Variants in SEM1 observed in about 807,000 individuals in gnomAD.
SEM1 encodes 26S proteasome complex subunit SEM1.
A neutral mutation model predicts 12.7 loss-of-function variants in SEM1; 3 were observed. The ratio of observed to expected loss-of-function variants is 0.24; its 90% confidence interval spans 0.11 to 0.61. The LOEUF is 0.61. Among genes scored for constraint, SEM1 ranks in the 20% least tolerant of loss-of-function variants. The pLI is 0.88. For synonymous variants in SEM1, 30 were observed against 27.8 expected, an observed-to-expected ratio of 1.08 and a Z score of -0.25; for missense variants, 59 against 81.3, an observed-to-expected ratio of 0.73 and a Z score of 1.06.
At chr7:96,643,847 T>C (rs1052765934) in intron 2 of SEM1, among the ~76,000 whole-genome samples, 1 of 152,072 alleles carries the variant, frequency 6.6e-6, no homozygotes, top group African/African-American at 2.4e-5. Flanking sequence ...AATTTAGTTA[T>C]CTTTAAGTAA....
intron 2 of SEM1, among the ~76,000 whole-genome samples, chr7:96,584,778 C>T (rs931968854): frequency 2.6e-5 from 4 of 152,248 alleles, no homozygotes; most frequent in Admixed American, 2.0e-4. Context: ...GAGGCTTCTG[C>T]ATTCTTCACA....
chr7:96,656,033 G>A (rs1302533016), intron 2 of SEM1, among the ~76,000 whole-genome samples: 1 of 152,116 alleles, frequency 6.6e-6, no homozygotes, highest in Non-Finnish European at 1.5e-5. Context: ...TAAGGAATGG[G>A]GAGCATGTCC....
At chr7:96,679,905 T>G (rs1789555412) in intron 2 of SEM1, among the ~76,000 whole-genome samples, 1 of 152,132 alleles carries the variant, frequency 6.6e-6, no homozygotes, top group Non-Finnish European at 1.5e-5. Context: ...TGCCCTGCCC[T>G]TATTTCTTCA....
chr7:96,491,688 C>T (rs1774512111), intron 1 of SEM1, among the ~76,000 whole-genome samples: 2 of 152,094 alleles, frequency 1.3e-5, no homozygotes, highest in South Asian at 4.2e-4. Flanking sequence ...CCTGCATGAG[C>T]GAGGCATATC....
intron 2 of SEM1, chr7:96,649,707 T>C (rs1481579392): frequency 1.3e-5 from 2 of 152,244 alleles, no homozygotes; most frequent in Admixed American, 1.3e-4. Context: ...CAGTGTTTAC[T>C]TGTCAAGAAG....
chr7:96,669,138 C>A (rs1489564306), downstream of SEM1, among the ~76,000 whole-genome samples: 1 of 152,102 alleles, frequency 6.6e-6, no homozygotes, highest in Admixed American at 6.6e-5. Flanking sequence ...TTTGAGTCAC[C>A]CAGTCTGTGG....
intron 2 of SEM1, among the ~76,000 whole-genome samples, chr7:96,676,210 T>G (rs1789445887): frequency 6.6e-6 from 1 of 152,204 alleles, no homozygotes; most frequent in Admixed American, 6.5e-5. Flanking sequence ...ATCCCCATTT[T>G]CCAGTTGTGA....
intron 2 of SEM1, among the ~76,000 whole-genome samples, chr7:96,580,466 G>C (rs1282852919): frequency 6.6e-6 from 1 of 151,254 alleles, no homozygotes. Context: ...ATGATTTATA[G>C]TCCTTTGGGT....
chr7:96,534,309 G>A (rs12530658), intron 2 of SEM1, among the ~76,000 whole-genome samples: 88,698 of 151,920 alleles, frequency 0.58, 27,253 homozygotes, highest in East Asian at 0.69. Flanking sequence ...CAGCTTCCCC[G>A]ATACTTTAAG....
chr7:96,489,339 G>A (rs4487685), intron 1 of SEM1, among the ~76,000 whole-genome samples: 51,218 of 151,964 alleles, frequency 0.34, 9,548 homozygotes, highest in African/African-American at 0.51. Context: ...GTTAAGCTAC[G>A]AATTGCTGGG....
chr7:96,509,475 G>A (rs1248353817), intron 2 of SEM1, among the ~76,000 whole-genome samples: 1 of 152,042 alleles, frequency 6.6e-6, no homozygotes, highest in African/African-American at 2.4e-5. Flanking sequence ...GCATCAATGT[G>A]GATTTTGACA....
intron 2 of SEM1, among the ~76,000 whole-genome samples, chr7:96,540,703 G>A (rs1476189998): frequency 2.0e-5 from 3 of 151,688 alleles, no homozygotes; most frequent in Non-Finnish European, 4.4e-5. Flanking sequence ...TTTGAGGTAC[G>A]GATGATCCTG....
chr7:96,555,338 AT>A (rs1222088463), intron 2 of SEM1, among the ~76,000 whole-genome samples: 2 of 150,140 alleles, frequency 1.3e-5, no homozygotes, highest in Non-Finnish European at 3.0e-5. Context: ...AGTGCTGTAA[AT>A]TTCCCTCTAC....
intron 2 of SEM1, among the ~76,000 whole-genome samples, chr7:96,544,510 T>A (rs12704852): frequency 6.6e-6 from 1 of 151,784 alleles, no homozygotes; most frequent in African/African-American, 2.4e-5. Flanking sequence ...ATAGTATTGA[T>A]TATTCTCTTA....
intron 2 of SEM1, among the ~76,000 whole-genome samples, chr7:96,517,619 T>A (rs148492623): frequency 2.3e-4 from 35 of 152,252 alleles, no homozygotes; most frequent in African/African-American, 6.7e-4. Context: ...GAGAATTGCC[T>A]ATTTACATAC....
intron 2 of SEM1, among the ~76,000 whole-genome samples, chr7:96,679,000 C>CGA (rs925449711): frequency 6.6e-6 from 1 of 151,988 alleles, no homozygotes; most frequent in African/African-American, 2.4e-5. Context: ...GCTTCCAAAA[C>CGA]GAGACTTATT....
intron 2 of SEM1, among the ~76,000 whole-genome samples, chr7:96,653,028 T>A (rs1809050002): frequency 6.6e-6 from 1 of 152,216 alleles, no homozygotes; most frequent in South Asian, 2.1e-4. Flanking sequence ...TTTTCATGCA[T>A]GACCTAATAC....
At chr7:96,519,143 G>T (rs1804189701) in intron 2 of SEM1, among the ~76,000 whole-genome samples, 1 of 152,050 alleles carries the variant, frequency 6.6e-6, no homozygotes, top group Admixed American at 6.6e-5. Flanking sequence ...AATAATTATT[G>T]GTCTCATGTA....
intron 2 of SEM1, chr7:96,650,598 C>A (rs1181782701): frequency 4.4e-6 from 3 of 682,698 alleles, no homozygotes; most frequent in Non-Finnish European, 5.3e-6. Flanking sequence ...CACTGTAGGT[C>A]CCTAAAAGAC....
Sources: gnomAD v4.1 joint callset for allele counts (sites outside exome capture counted in the v4.1 genomes callset) on GRCh38, gnomAD v4.1.1 for gene constraint, MANE v1.5 for transcripts, NCBI Gene and HGNC (gene_info 2026-07-23, HGNC 2026-07-21) for gene names.